PCDH19: variants seen among roughly 807,000 people sequenced by gnomAD.
The protein encoded by PCDH19 is protocadherin 19.
A neutral mutation model predicts 46.2 loss-of-function variants in PCDH19; 6 were observed. The observed-to-expected ratio is 0.13, with a 90% CI of 0.07 to 0.26. The LOEUF (loss-of-function observed/expected upper bound fraction) is 0.26, where lower values mean the gene tolerates loss of function less well. Among genes scored for constraint, PCDH19 ranks in the 10% least tolerant of loss-of-function variants. The pLI is 1.00. For synonymous variants in PCDH19, 481 were observed against 415.7 expected (o/e 1.16, Z -1.91); for missense variants, 740 against 972.3 (o/e 0.76, Z 3.18).
rs770427280 is a variant in PCDH19, at chrX:100,294,320, A to G, written c.*1957T>C. The G allele has an allele frequency of 4.5e-5, 5 of 111,660 alleles. No homozygotes were observed. The East Asian group carries it at 1.4e-3, about 32-fold the overall frequency. 9.2% of individuals were successfully genotyped at this position (111,660 alleles called of 1,213,427 possible). ...CAGAGGGAAATTTGCAGCCACACCAATATTTTGCATGAGGTAGTATTCAGC... is the reference window on the plus strand; with the variant it reads ...CAGAGGGAAATTTGCAGCCACACCAGTATTTTGCATGAGGTAGTATTCAGC... On this transcript the variant is annotated 3_prime_UTR_variant, in exon 6 of 6. Coordinates refer to ENST00000373034, the MANE Select transcript of PCDH19 (RefSeq NM_001184880.2).
rs1159118052 is a variant in PCDH19 at position 100,403,560 on chromosome X, T to C, written c.2252A>G (p.Lys751Arg). ...TAGGCTCACTTTCTCCTCTGTCTTTTTGTCTTGCTCCTCGCTAATGGGAGA... is the reference window on the plus strand; with the variant it reads ...TAGGCTCACTTTCTCCTCTGTCTTTCTGTCTTGCTCCTCGCTAATGGGAGA... The part of the protein sequence containing the change: ...SVSPISEEQD[K>R]KTEEKVSLRG... The change falls in exon 2 of 6, where the codon AAA becomes AGA. Residue 751 changes from lysine to arginine, a missense_variant. Physicochemically the swap from Lys to Arg is conservative, Grantham distance 26. This residue lies in a region of PCDH19 where 416 missense variants were observed against 476.8 expected (regional missense o/e 0.87). Coordinates refer to ENST00000373034, the MANE Select transcript of PCDH19 (RefSeq NM_001184880.2). 1 of 1,208,959 alleles carries C rather than the reference T, an allele frequency of 8.3e-7. No individual in the cohort carries two copies. The highest frequency in any genetic ancestry group is 1.1e-6 in the Non-Finnish European group (1 of 894,903).
intron 4 of PCDH19, among the ~76,000 whole-genome samples, chrX:100,347,685 C>T (rs1926445332): frequency 9.0e-6 from 1 of 111,404 alleles, no homozygotes; most frequent in African/African-American, 3.3e-5. Flanking sequence ...ATGCTAACAA[C>T]TGCTAGAGAA....
chrX:100,371,378 C>T (rs976398860), intron 3 of PCDH19, among the ~76,000 whole-genome samples: 2 of 111,253 alleles, frequency 1.8e-5, no homozygotes. Context: ...TTTTCAACGT[C>T]TATCTCCTGT....
At chrX:100,311,343 A>T (rs923107325) in intron 5 of PCDH19, among the ~76,000 whole-genome samples, 4 of 111,254 alleles carry the variant, frequency 3.6e-5, no homozygotes, top group Admixed American at 1.9e-4. Flanking sequence ...GCAAGAGTAG[A>T]CAGAGCACGT....
intron 3 of PCDH19, among the ~76,000 whole-genome samples, chrX:100,387,907 T>C (rs1927757847): frequency 9.0e-6 from 1 of 111,349 alleles, no homozygotes; most frequent in Non-Finnish European, 1.9e-5. Flanking sequence ...AATTGGAAAA[T>C]GAAAATAAGG....
intron 5 of PCDH19, among the ~76,000 whole-genome samples, chrX:100,333,159 A>AG (rs1925943485): frequency 4.3e-5 from 2 of 46,238 alleles, no homozygotes; most frequent in Non-Finnish European, 9.5e-5. Flanking sequence ...GGAAGGAAGG[A>AG]AGGAAGGAAG....
intron 4 of PCDH19, among the ~76,000 whole-genome samples, chrX:100,346,033 G>T (rs1427838772): frequency 8.9e-6 from 1 of 112,274 alleles, no homozygotes; most frequent in Non-Finnish European, 1.9e-5. Context: ...TGAAGGACTT[G>T]TAAAACAACT....
At chrX:100,338,521 C>CAA (rs67274603) in intron 5 of PCDH19, among the ~76,000 whole-genome samples, 5 of 57,676 alleles carry the variant, frequency 8.7e-5, no homozygotes, top group African/African-American at 2.0e-4. Flanking sequence ...GACTCTGTCT[C>CAA]AAAAAAAAAA....
intron 3 of PCDH19, among the ~76,000 whole-genome samples, chrX:100,383,141 T>C (rs1927605433): frequency 8.9e-6 from 1 of 112,373 alleles, no homozygotes. Context: ...GAGATCATAA[T>C]AGTAATAGCT....
chrX:100,399,645 G>T (rs990337817), intron 3 of PCDH19, among the ~76,000 whole-genome samples: 1 of 111,407 alleles, frequency 9.0e-6, no homozygotes, highest in Non-Finnish European at 1.9e-5. Context: ...GACTGATTCA[G>T]GTTAAATGGC....
Position 100,406,981 on chromosome X carries a change from G to A in PCDH19, c.1617C>T (p.Gly539=). Reference sequence around the variant, plus strand: ...TAGCGTTGCTTTGCAGTGAGGGAAGGCCGCCGTCCTTGGCCAGCACCTTGA... The same window carrying A: ...TAGCGTTGCTTTGCAGTGAGGGAAGACCGCCGTCCTTGGCCAGCACCTTGA... The part of the protein sequence containing the change: ...FEFKVLAKDG[G]LPSLQSNATV... Residue 539 remains glycine (G), a synonymous_variant, in exon 1 of 6, where the codon GGC becomes GGT. Coordinates refer to ENST00000373034, the MANE Select transcript of PCDH19 (RefSeq NM_001184880.2). The A allele has an allele frequency of 8.3e-7, 1 of 1,212,039 alleles. No homozygotes were observed. The highest frequency in any genetic ancestry group is 1.1e-6 in the Non-Finnish European group (1 of 895,592).
intron 3 of PCDH19, among the ~76,000 whole-genome samples, chrX:100,377,119 T>C (rs1020541101): frequency 8.9e-6 from 1 of 112,343 alleles, no homozygotes; most frequent in Non-Finnish European, 1.9e-5. Flanking sequence ...CTAATTTATG[T>C]CTCTTAGAAT....
intron 3 of PCDH19, among the ~76,000 whole-genome samples, chrX:100,387,044 C>T (rs1248811131): frequency 1.8e-5 from 2 of 111,401 alleles, no homozygotes; most frequent in African/African-American, 6.5e-5. Context: ...GAGAGTGAAG[C>T]ATCTGTGTGA....
At chrX:100,333,763 G>A (rs373283727) in intron 5 of PCDH19, among the ~76,000 whole-genome samples, 6 of 101,126 alleles carry the variant, frequency 5.9e-5, no homozygotes, top group Admixed American at 4.4e-4. Flanking sequence ...TTTTGTTTTC[G>A]TTTTTTGTTT....
At chrX:100,330,224 A>G (rs1925834767) in intron 5 of PCDH19, among the ~76,000 whole-genome samples, 1 of 112,461 alleles carries the variant, frequency 8.9e-6, no homozygotes, top group African/African-American at 3.2e-5. Context: ...TGACCAGCCT[A>G]AATATCTCGA....
chrX:100,395,373 CT>C (rs1927999235), intron 3 of PCDH19, among the ~76,000 whole-genome samples: 1 of 112,227 alleles, frequency 8.9e-6, no homozygotes, highest in African/African-American at 3.2e-5. Context: ...AACAAACACC[CT>C]TTGGCTGACC....
chrX:100,400,445 G>A (rs1052416992), intron 3 of PCDH19, among the ~76,000 whole-genome samples: 17 of 112,133 alleles, frequency 1.5e-4, no homozygotes, highest in Non-Finnish European at 3.2e-4. Flanking sequence ...AGAGTCTTAT[G>A]TTCCACAGCA....
chrX:100,404,918 A>G (rs1351384310), intron 1 of PCDH19, among the ~76,000 whole-genome samples: 1 of 112,185 alleles, frequency 8.9e-6, no homozygotes, highest in Non-Finnish European at 1.9e-5. Flanking sequence ...GCTAAGAGCA[A>G]TATTAATTTA....
In PCDH19 at chrX:100,361,872, A is replaced by AG. The variant is rs200594670; in HGVS notation, c.2617-11169dup. ...TGGCTGACGAGGTATACTATTTGGG[A>AG]GAAAAAAAATACACTAGCCTGCTTA... is the stretch of plus-strand genomic sequence containing the variant. On this transcript the variant is annotated intron_variant, in intron 3 of 5. Coordinates refer to ENST00000373034, the MANE Select transcript of PCDH19 (RefSeq NM_001184880.2). 5.8e-3 allele frequency among the ~76,000 whole-genome samples: 647 copies of AG among 111,030 alleles called. 4 individuals carry two copies. The highest frequency in any genetic ancestry group is 0.02 in the African/African-American group (615 of 30,450).
Sources: gnomAD v4.1 joint callset for allele counts (sites outside exome capture counted in the v4.1 genomes callset) on GRCh38, gnomAD v4.1.1 for gene constraint, gnomAD v4.1.1 regional missense constraint, MANE v1.5 for transcripts, NCBI Gene and HGNC (gene_info 2026-07-23, HGNC 2026-07-21) for gene names.